AAK1: variants seen among roughly 807,000 people sequenced by gnomAD.
AAK1 encodes the protein AP2-associated protein kinase 1.
Under a neutral mutation model 116.0 loss-of-function variants are expected in AAK1, and 37 were observed. That is an observed-to-expected ratio of 0.32 (90% CI 0.25 to 0.42). The LOEUF is 0.42. Among genes scored for constraint, AAK1 ranks in the 10% least tolerant of loss-of-function variants. The pLI is 1.00. For synonymous variants in AAK1, 458 were observed against 439.9 expected (o/e 1.04, Z -0.51); for missense variants, 919 against 1,170.6 (o/e 0.79, Z 3.14).
intron 2 of AAK1, among the ~76,000 whole-genome samples, chr2:69,630,779 G>C (rs1218654241): frequency 6.6e-6 from 1 of 152,178 alleles, no homozygotes; most frequent in African/African-American, 2.4e-5. Context: ...ATTCCAGGGG[G>C]GAAGGGGAGG....
chr2:69,641,243 C>T (rs1194871813), intron 2 of AAK1, among the ~76,000 whole-genome samples: 2 of 152,204 alleles, frequency 1.3e-5, no homozygotes, highest in African/African-American at 4.8e-5. Context: ...ATAAGGTCAG[C>T]AGAGGCCATT....
rs1039320091 is a variant in AAK1, at chr2:69,504,656, A to C, written c.2269+913T>G. On this transcript the variant is annotated intron_variant, in intron 16 of 21. Transcript: ENST00000409085. The stretch of plus-strand genomic sequence containing the variant: ...ATGGCAGGTGCCTGTAATCCTAGCT[A>C]CTCTGGAGGCTGAGGCGGGAGAATC... 3.3e-5 allele frequency among the ~76,000 whole-genome samples: 5 copies of C among 151,634 alleles called. No homozygotes were observed. In the South Asian group the frequency reaches 6.2e-4, roughly 19 times the overall value.
intron 3 of AAK1, among the ~76,000 whole-genome samples, chr2:69,551,944 G>C (rs1002771161): frequency 6.6e-6 from 1 of 152,168 alleles, no homozygotes; most frequent in African/African-American, 2.4e-5. Context: ...TTCTGCCACT[G>C]GAAGTAGAGA....
intron 2 of AAK1, among the ~76,000 whole-genome samples, chr2:69,558,447 C>T (rs933711670): frequency 2.0e-5 from 3 of 152,172 alleles, no homozygotes; most frequent in African/African-American, 7.2e-5. Context: ...CATCCTCACT[C>T]CTAAAGCACT....
At position 69,462,676 on chromosome 2, in the gene AAK1, G is replaced by GAAAAA. The variant is rs75622380; in HGVS notation, c.*13188_*13192dup. Reference sequence around the variant, plus strand: ...GAGCGACAGAGCAAGACGCCGTCTTGAAAAAAAAAAAAAAAATTTCTGAGT... The same window carrying GAAAAA: ...GAGCGACAGAGCAAGACGCCGTCTTGAAAAAAAAAAAAAAAAAAAAATTTCTGAGT... On this transcript the variant is annotated 3_prime_UTR_variant, in exon 22 of 22. Transcript: ENST00000409085. 7.0e-6 allele frequency: 1 copy of GAAAAA among 142,624 alleles called. No individual in the cohort carries two copies. The allele number at this position is 142,624 out of a possible 1,614,324, so 8.8% of individuals were successfully genotyped here. A position where few individuals can be genotyped will look rare whatever the true frequency, so the allele number is the denominator to read the frequency against.
intron 2 of AAK1, among the ~76,000 whole-genome samples, chr2:69,596,674 C>G (rs2105183736): frequency 6.6e-6 from 1 of 152,344 alleles, no homozygotes; most frequent in South Asian, 2.1e-4. Flanking sequence ...ACCATTCATG[C>G]TTTTCTGGAG....
At chr2:69,562,646 T>C (rs1397375414) in intron 2 of AAK1, among the ~76,000 whole-genome samples, 10 of 152,226 alleles carry the variant, frequency 6.6e-5, no homozygotes, top group South Asian at 2.1e-4. Context: ...AATCCCAGCA[T>C]TTTGGGAGGT....
At chr2:69,595,979 T>C (rs1002376258) in intron 2 of AAK1, among the ~76,000 whole-genome samples, 16 of 152,176 alleles carry the variant, frequency 1.1e-4, no homozygotes, top group African/African-American at 3.9e-4. Context: ...CTGTGCTCTA[T>C]AAATGGAACA....
intron 2 of AAK1, among the ~76,000 whole-genome samples, chr2:69,570,382 A>G (rs1390612768): frequency 1.3e-5 from 2 of 151,862 alleles, no homozygotes; most frequent in African/African-American, 4.8e-5. Context: ...AAATTTTCAG[A>G]TTACCATACA....
chr2:69,482,800 T>C lies in AAK1; in HGVS notation c.2378A>G (p.Glu793Gly). The change falls in exon 18 of 22, where the codon GAG becomes GGG. Residue 793 changes from glutamate (E) to glycine (G), a missense_variant. Glu to Gly is a moderately conservative substitution (Grantham distance 98). This residue lies in a region of AAK1 where 263 missense variants were observed against 285.5 expected (regional missense o/e 0.92). Coordinates refer to ENST00000409085, the MANE Select transcript of AAK1 (RefSeq NM_014911.5). Reference sequence around the variant, plus strand: ...AGAAGTGTCAGGAGATTTGAGTCCCTCAATTAGTTTTTCTACGTTGGGCAG... The same window carrying C: ...AGAAGTGTCAGGAGATTTGAGTCCCCCAATTAGTTTTTCTACGTTGGGCAG... ...QVPDAPEKLI[E>G]GLKSPDTSLL... 1 of 1,611,976 alleles carries C rather than the reference T, an allele frequency of 6.2e-7. No homozygotes were observed. Among genetic ancestry groups the C allele is most frequent in the Non-Finnish European group, 8.5e-7 (1 of 1,178,168 alleles).
At position 69,474,253 on chromosome 2, in the gene AAK1, T is replaced by C; in HGVS notation, c.*1616A>G. On this transcript the variant is annotated 3_prime_UTR_variant, in exon 22 of 22. Transcript: ENST00000409085. ...AGTACTAGATAGCAAAACAAGCAAA[T>C]GGACTTGGAATTTTATTTGTACAGA... The C allele has an allele frequency of 1.0e-6, 1 of 985,706 alleles. No homozygotes were observed. Among genetic ancestry groups the C allele is most frequent in the Non-Finnish European group, 1.2e-6 (1 of 829,890 alleles). The allele number at this position is 985,706 out of a possible 1,614,324, so 61.1% of individuals were successfully genotyped here. A position where few individuals can be genotyped will look rare whatever the true frequency, so the allele number is the denominator to read the frequency against.
chr2:69,483,334 T>G (rs1397528153), intron 17 of AAK1, among the ~76,000 whole-genome samples: 2 of 152,190 alleles, frequency 1.3e-5, no homozygotes, highest in African/African-American at 4.8e-5. Context: ...TGTAGTCTTT[T>G]GTGTGTGGTT....
At chr2:69,564,433 C>T (rs1470902431) in intron 2 of AAK1, among the ~76,000 whole-genome samples, 1 of 151,590 alleles carries the variant, frequency 6.6e-6, no homozygotes, top group African/African-American at 2.4e-5. Flanking sequence ...AAAAAAGGAG[C>T]AATTCTGCTA....
intron 2 of AAK1, among the ~76,000 whole-genome samples, chr2:69,604,593 G>C (rs1291000418): frequency 6.6e-6 from 1 of 152,194 alleles, no homozygotes; most frequent in Non-Finnish European, 1.5e-5. Context: ...AGACACTGAA[G>C]GAACATACGA....
intron 3 of AAK1, among the ~76,000 whole-genome samples, chr2:69,551,086 G>GTA (rs1441541585): frequency 1.3e-5 from 2 of 149,282 alleles, no homozygotes; most frequent in African/African-American, 2.5e-5. Flanking sequence ...TATGTATTAT[G>GTA]TATACACACA....
intron 2 of AAK1, among the ~76,000 whole-genome samples, chr2:69,562,770 G>A (rs539411790): frequency 2.0e-5 from 3 of 152,264 alleles, no homozygotes; most frequent in South Asian, 4.2e-4. Context: ...TGCGCCTGTA[G>A]TCCCAGCTAC....
intron 2 of AAK1, among the ~76,000 whole-genome samples, chr2:69,563,030 C>A (rs1323652726): frequency 8.5e-5 from 13 of 152,152 alleles, no homozygotes; most frequent in African/African-American, 2.4e-4. Context: ...CACCACTGCA[C>A]TCCAGCCTGA....
At chr2:69,511,999 T>C (rs548197541) in intron 13 of AAK1, among the ~76,000 whole-genome samples, 1 of 152,252 alleles carries the variant, frequency 6.6e-6, no homozygotes, top group African/African-American at 2.4e-5. Flanking sequence ...AAAATGCAGA[T>C]TTCAACTCCT....
Position 69,462,791 on chromosome 2 carries a change from G to A in AAK1, c.*13078C>T, listed in dbSNP as rs1248815130. 1 of 152,158 alleles carries A rather than the reference G, an allele frequency of 6.6e-6. No individual in the cohort carries two copies. Among genetic ancestry groups the A allele is most frequent in the African/African-American group, 2.4e-5 (1 of 41,408 alleles). The allele number at this position is 152,158 out of a possible 1,614,324, so 9.4% of individuals were successfully genotyped here. On this transcript the variant is annotated 3_prime_UTR_variant, in exon 22 of 22. Transcript: ENST00000409085. ...ATAATGACCATGGGAAGAATCTGGG[G>A]TGCAAAGTTCCACGTGCATTAGCCG...
Sources: allele counts gnomAD v4.1 joint callset (sites outside exome capture counted in the v4.1 genomes callset), GRCh38; gene constraint gnomAD v4.1.1; regional missense constraint gnomAD v4.1.1; transcripts MANE v1.5; gene names NCBI Gene and HGNC (gene_info 2026-07-23, HGNC 2026-07-21).